LAMB3: variants seen among roughly 807,000 people sequenced by gnomAD.
LAMB3 encodes the protein laminin subunit beta-3.
A neutral mutation model predicts 140.3 loss-of-function variants in LAMB3; 104 were observed. The observed-to-expected ratio is 0.74, with a 90% CI of 0.63 to 0.87. LAMB3 has a LOEUF of 0.87. Among genes scored for constraint, LAMB3 ranks in the 40% least tolerant of loss-of-function variants. The pLI is 0.00. For missense variants in LAMB3, 1,531 were observed against 1,575.2 expected (o/e 0.97, Z 0.47); for synonymous variants, 592 against 602.9 (o/e 0.98, Z 0.26).
At chr1:209,634,689 G>T (rs780672070) in intron 5 of LAMB3, 51 bp from the exon 6 acceptor site, 4 of 1,452,086 alleles carry the variant, frequency 2.8e-6, no homozygotes, top group Non-Finnish European at 3.8e-6. Context: ...GCTGTGCCCC[G>T]TGGAGACACA....
At chr1:209,632,843 C>T in intron 7 of LAMB3, 67 bp from the exon 8 acceptor site, 1 of 1,473,940 alleles carries the variant, frequency 6.8e-7, no homozygotes, top group Non-Finnish European at 9.5e-7. Context: ...AAGTTAGAGG[C>T]ACATAGAGTC....
chr1:209,615,540 T>A, intron 22 of LAMB3, 133 bp from the exon 23 acceptor site: 2 of 1,064,208 alleles, frequency 1.9e-6, no homozygotes, highest in Non-Finnish European at 2.6e-6. Context: ...ATCTGGCCTC[T>A]AAAGCAGTGG....
At chr1:209,622,125 A>C (rs571064123) in intron 18 of LAMB3, among the ~76,000 whole-genome samples, 1 of 152,234 alleles carries the variant, frequency 6.6e-6, no homozygotes, top group South Asian at 2.1e-4. Flanking sequence ...AGAGCCTGAC[A>C]TGTTCAAGGA....
chr1:209,636,063 C>T (rs1482814267), intron 5 of LAMB3, among the ~76,000 whole-genome samples: 3 of 152,216 alleles, frequency 2.0e-5, no homozygotes, highest in African/African-American at 7.2e-5. Context: ...ACTGCATTCT[C>T]CTGCTCACGT....
At chr1:209,635,557 C>T (rs1230741773) in intron 5 of LAMB3, among the ~76,000 whole-genome samples, 2 of 152,194 alleles carry the variant, frequency 1.3e-5, no homozygotes, top group African/African-American at 4.8e-5. Flanking sequence ...CGCACACCAC[C>T]ATGCCCTGCT....
At position 209,634,495 on chromosome 1, in the gene LAMB3, C is replaced by T; in HGVS notation, c.516G>A (p.Arg172=). The change falls in exon 6 of 23, where the codon CGG becomes CGA. Residue 172 remains arginine (R), a synonymous_variant. Coordinates refer to ENST00000356082, the MANE Select transcript of LAMB3 (RefSeq NM_000228.3). ...QGRPQSWQDV[R]CQSLPQRPNA... is the part of the protein sequence containing the mutation. ...TAGGCCTCTGAGGCAGGGACTGGCACCGAACATCCTGCCAGCTCTGAGGCC... is the reference window on the plus strand; with the variant it reads ...TAGGCCTCTGAGGCAGGGACTGGCATCGAACATCCTGCCAGCTCTGAGGCC... 1.2e-6 allele frequency: 2 copies of T among 1,614,108 alleles called. No individual in the cohort carries two copies. Among genetic ancestry groups the T allele is most frequent in the South Asian group, 2.2e-5 (2 of 91,078 alleles).
chr1:209,625,671 C>G lies in LAMB3; in HGVS notation c.1953G>C (p.Val651=), dbSNP rs1392492082. The change falls in exon 14 of 23, where the codon GTG becomes GTC. Residue 651 remains valine, a synonymous_variant. Transcript: ENST00000356082. ...PAVTEQEVAQ[V]ASAILSLRRT... ...ACCTGAGGGAGAGGATGGCACTGGC[C>G]ACCTGAGCCACCTCCTGCTCTGTGA... The G allele has an allele frequency of 6.2e-7, 1 of 1,614,098 alleles. No individual in the cohort carries two copies. Among genetic ancestry groups the G allele is most frequent in the South Asian group, 1.1e-5 (1 of 91,082 alleles).
Position 209,623,009 on chromosome 1 carries a change from AT to A in LAMB3, c.2528del (p.Asn843MetfsTer10). The A allele has an allele frequency of 6.2e-7, 1 of 1,613,666 alleles. No individual in the cohort carries two copies. On this transcript the variant is annotated frameshift_variant, in exon 17 of 23. Transcript: ENST00000356082. LOFTEE classifies it high-confidence loss of function. The surrounding 1 kb of genome is among the most constrained non-coding windows in gnomAD (Gnocchi z 4.2). ...TCTGCCTGGTCCGCTGGAGCTGGGC[AT>A]TGAAGCCCCGCAGCTGCTCAGCCAC... is the stretch of plus-strand genomic sequence containing the variant. ...GQVAEQLRGF[N>X]AQLQRTRQMI...
chr1:209,617,942 G>A lies in LAMB3; in HGVS notation c.3016C>T (p.Arg1006Cys), dbSNP rs376701936. Reference sequence around the variant, plus strand: ...CTGTCCTGGATAAGCCGAAGGGAGCGGCTGGTGCCTTGCATGGTGTCCTGA... The same window carrying A: ...CTGTCCTGGATAAGCCGAAGGGAGCAGCTGGTGCCTTGCATGGTGTCCTGA... Reference protein sequence around the residue: ...EAQDTMQGTSRSLRLIQDRVA... With the variant: ...EAQDTMQGTSCSLRLIQDRVA... The change falls in exon 20 of 23, where the codon CGC becomes TGC. Residue 1006 changes from arginine to cysteine, a missense_variant. By Grantham distance (180) the Arg-to-Cys change is radical (BLOSUM62 -3). Coordinates refer to ENST00000356082, the MANE Select transcript of LAMB3 (RefSeq NM_000228.3). 1.2e-4 allele frequency: 190 copies of A among 1,614,072 alleles called. No homozygotes were observed. Among genetic ancestry groups the A allele is most frequent in the Middle Eastern group, 6.6e-4 (4 of 6,084 alleles).
At chr1:209,625,240 T>C (rs904710901) in intron 14 of LAMB3, among the ~76,000 whole-genome samples, 1 of 151,882 alleles carries the variant, frequency 6.6e-6, no homozygotes, top group Non-Finnish European at 1.5e-5. Context: ...GGGATGGGGG[T>C]GTGGGCGGGA....
At position 209,629,899 on chromosome 1, in the gene LAMB3, T is replaced by C. The variant is rs886045866; in HGVS notation, c.970A>G (p.Thr324Ala). The C allele has an allele frequency of 3.1e-6, 5 of 1,614,056 alleles. No individual in the cohort carries two copies. The highest frequency in any genetic ancestry group is 4.2e-6 in the Non-Finnish European group (5 of 1,180,024). ...QRCDCNGHSE[T>A]CHFDPAVFAA... ...AACACAGCGGGGTCAAAGTGACATG[T>C]CTCTGAGTGCCCATTGCAGTCGCAC... Residue 324 changes from threonine (T) to alanine (A), a missense_variant, in exon 10 of 23, where the codon ACA (threonine) becomes GCA (alanine). Thr to Ala is a moderately conservative substitution (Grantham distance 58). Coordinates refer to ENST00000356082, the MANE Select transcript of LAMB3 (RefSeq NM_000228.3).
chr1:209,623,389 G>A lies in LAMB3; in HGVS notation c.2358+116C>T, dbSNP rs1666282190. On this transcript the variant is annotated intron_variant, in intron 16 of 22. Transcript: ENST00000356082. This position sits in a 1 kb window ranked among gnomAD's most constrained non-coding sequence, Gnocchi z 4.2. ...GCAGTACAAGGGTCGGGATGGCTGG[G>A]GGAGTGGGGTTCTCACAGGGGCAGA... 1 of 1,136,326 alleles carries A rather than the reference G, an allele frequency of 8.8e-7. No homozygotes were observed. The highest frequency in any genetic ancestry group is 2.4e-5 in the East Asian group (1 of 41,240). The allele number at this position is 1,136,326 out of a possible 1,614,324, so 70.4% of individuals were successfully genotyped here.
In LAMB3 at chr1:209,622,543, G is replaced by C; in HGVS notation, c.2694C>G (p.Phe898Leu). Residue 898 changes from phenylalanine to leucine, a missense_variant, in exon 18 of 23, where the codon TTC (phenylalanine) becomes TTG (leucine). Transcript: ENST00000356082. ...GGTGGAGACTGGGCTCACCTGTTAG[G>C]AAGTCCCGGACCTGCTGGATTAGGA... ...TRLLIQQVRD[F>L]LTDPDTDAAT... is the part of the protein sequence containing the mutation. 1 of 1,613,864 alleles carries C rather than the reference G, an allele frequency of 6.2e-7. No homozygotes were observed. Among genetic ancestry groups the C allele is most frequent in the Non-Finnish European group, 8.5e-7 (1 of 1,179,982 alleles).
In LAMB3 at chr1:209,623,208, C is replaced by T. The variant is rs771629322; in HGVS notation, c.2359-29G>A. 6.2e-6 allele frequency: 10 copies of T among 1,611,248 alleles called. No individual in the cohort carries two copies. The highest frequency in any genetic ancestry group is 1.3e-5 in the African/African-American group (1 of 74,866). On this transcript the variant is annotated intron_variant, in intron 16 of 22. Coordinates refer to ENST00000356082, the MANE Select transcript of LAMB3 (RefSeq NM_000228.3). The surrounding 1 kb of genome is among the most constrained non-coding windows in gnomAD (Gnocchi z 4.2). ...TGGACAGATGGCGGTGTTAAAGAGG[C>T]TACCCAAAGCCCCTCAATAACCAAT...
intron 13 of LAMB3, 127 bp downstream of exon 13, chr1:209,626,740 C>T: frequency 1.3e-6 from 1 of 750,654 alleles, no homozygotes; most frequent in Non-Finnish European, 2.3e-6. Flanking sequence ...CAGGGCTGCC[C>T]AGGCCCACAC....
intron 8 of LAMB3, 116 bp from the exon 9 acceptor site, chr1:209,630,851 A>G (rs904168819): frequency 3.3e-6 from 4 of 1,214,448 alleles, no homozygotes; most frequent in Admixed American, 1.9e-5. Context: ...TTAGATCCCA[A>G]CCCTTCCAGG....
Position 209,626,870 on chromosome 1 carries a change from G to C in LAMB3, c.1594C>G (p.Arg532Gly). Residue 532 changes from arginine (R) to glycine (G), a missense_variant, in exon 13 of 23, where the codon CGA becomes GGA. Transcript: ENST00000356082. ...RTYGDVATGC[R>G]ACDCDFRGTE... ...CCCCCAGGCTTTGAGCATGCACCTC[G>C]GCATCCTGTGGCCACGTCTCCATAG... is the stretch of plus-strand genomic sequence containing the variant. 1.2e-6 allele frequency: 2 copies of C among 1,611,942 alleles called. No individual in the cohort carries two copies. The highest frequency in any genetic ancestry group is 1.7e-6 in the Non-Finnish European group (2 of 1,178,394).
chr1:209,630,683 C>A lies in LAMB3; in HGVS notation c.875G>T (p.Arg292Leu), dbSNP rs12091253. Residue 292 changes from arginine (R) to leucine (L), a missense_variant, in exon 9 of 23, where the codon CGC becomes CTC. Physicochemically the swap from Arg to Leu is moderately radical, Grantham distance 102. Transcript: ENST00000356082. ...QHNTAGPNCE[R>L]CAPFYNNRPW... The stretch of plus-strand genomic sequence containing the variant: ...CCGGTTGTTGTAGAAGGGTGCACAG[C>A]GCTCACAATTTGGGCCGGCAGTGTT... 566 of 1,614,036 alleles carry A rather than the reference C, an allele frequency of 3.5e-4. 3 individuals carry two copies. In the African/African-American group the frequency reaches 6.9e-3, roughly 20 times the overall value.
rs2076425152 is a variant in LAMB3 at position 209,638,530 on chromosome 1, T to A, written c.298+4A>T. 1 of 1,582,882 alleles carries A rather than the reference T, an allele frequency of 6.3e-7. No individual in the cohort carries two copies. The highest frequency in any genetic ancestry group is 1.1e-5 in the South Asian group (1 of 90,580). On this transcript the variant is annotated splice_donor_region_variant and intron_variant, in intron 4 of 22. Coordinates refer to ENST00000356082, the MANE Select transcript of LAMB3 (RefSeq NM_000228.3). ...TTGAGTTCCCGTAGATGGCAAATGC[T>A]CACCATTCTGTGACTGCCACCAGCG...
Sources: gnomAD v4.1 joint callset for allele counts (sites outside exome capture counted in the v4.1 genomes callset) on GRCh38, gnomAD v4.1.1 for gene constraint, Gnocchi (gnomAD v3.1) non-coding constraint, MANE v1.5 for transcripts, NCBI Gene and HGNC (gene_info 2026-07-23, HGNC 2026-07-21) for gene names.